The following TICAM1 variants were observed in gnomAD, a reference collection of about 807,000 sequenced individuals.
The protein encoded by TICAM1 is TIR domain containing adaptor molecule 1.
For synonymous variants in TICAM1, 439 were observed against 415.4 expected, an observed-to-expected ratio of 1.06 and a Z score of -0.69; for missense variants, 895 against 938.2, an observed-to-expected ratio of 0.95 and a Z score of 0.60.
Position 4,825,281 on chromosome 19 carries a change from AAAC to A in TICAM1, c.-140+6330_-140+6332del, listed in dbSNP as rs1217000942. On this transcript the variant is annotated intron_variant, in intron 1 of 1. Transcript: ENST00000248244. ...GGCGACAGAGCGAGACTCTGTCTTA[AAAC>A]AACAACAACAAAAAACTACCTATCA... Among the ~76,000 whole-genome samples the A allele has an allele frequency of 5.9e-5, 9 of 152,138 alleles. No homozygotes were observed. In the East Asian group the frequency reaches 9.7e-4, roughly 16 times the overall value.
intron 1 of TICAM1, among the ~76,000 whole-genome samples, chr19:4,828,267 C>T (rs965673071): frequency 2.0e-5 from 3 of 151,698 alleles, no homozygotes; most frequent in Non-Finnish European, 4.4e-5. Context: ...CAGGATCTTG[C>T]TCTGTTACCC....
chr19:4,816,085 T>C lies in TICAM1; in HGVS notation c.*154A>G. ...GGGCATCATCGCGCCCGTTTTGTCCTAAATGAAGGGCTCCCGGACAATGTC... is the reference window on the plus strand; with the variant it reads ...GGGCATCATCGCGCCCGTTTTGTCCCAAATGAAGGGCTCCCGGACAATGTC... On this transcript the variant is annotated 3_prime_UTR_variant, in exon 2 of 2. Transcript: ENST00000248244. The surrounding 1 kb of genome is among the most constrained non-coding windows in gnomAD (Gnocchi z 4.3). 1 of 1,219,694 alleles carries C rather than the reference T, an allele frequency of 8.2e-7. No homozygotes were observed. The highest frequency in any genetic ancestry group is 1.0e-6 in the Non-Finnish European group (1 of 962,554). 75.6% of individuals were successfully genotyped at this position (1,219,694 alleles called of 1,614,324 possible).
chr19:4,816,926 G>C lies in TICAM1; in HGVS notation c.1452C>G (p.Asp484Glu). 1 of 1,613,900 alleles carries C rather than the reference G, an allele frequency of 6.2e-7. No individual in the cohort carries two copies. Among genetic ancestry groups the C allele is most frequent in the Non-Finnish European group, 8.5e-7 (1 of 1,180,036 alleles). Reference protein sequence around the residue: ...MSNLTRQGSPDCVIPFLPLES... With the variant: ...MSNLTRQGSPECVIPFLPLES... Reference sequence around the variant, plus strand: ...CCAGGGGCAGGAAGGGGATGACACAGTCTGGCGACCCCTGTCGCGTGAGGT... The same window carrying C: ...CCAGGGGCAGGAAGGGGATGACACACTCTGGCGACCCCTGTCGCGTGAGGT... The change falls in exon 2 of 2, where the codon GAC (aspartate) becomes GAG (glutamate). Residue 484 changes from aspartate to glutamate, a missense_variant. Physicochemically the swap from Asp to Glu is conservative, Grantham distance 45. Transcript: ENST00000248244. The surrounding 1 kb of genome is among the most constrained non-coding windows in gnomAD (Gnocchi z 4.3).
rs991714086 is a variant in TICAM1 at position 4,815,934 on chromosome 19, C to A, written c.*305G>T. ...CCAGAAGACAATGGCGCTGCGGAAG[C>A]ATTCAATAAATATTTATTATAATTA... On this transcript the variant is annotated 3_prime_UTR_variant, in exon 2 of 2. Coordinates refer to ENST00000248244, the MANE Select transcript of TICAM1 (RefSeq NM_182919.4). 2.7e-4 allele frequency: 71 copies of A among 259,426 alleles called. No homozygotes were observed. The highest frequency in any genetic ancestry group is 6.0e-4 in the Admixed American group (11 of 18,314). The allele number at this position is 259,426 out of a possible 1,614,324, so 16.1% of individuals were successfully genotyped here.
Position 4,823,525 on chromosome 19 carries a change from C to T in TICAM1, c.-139-5009G>A, listed in dbSNP as rs185141027. 1.5e-3 allele frequency among the ~76,000 whole-genome samples: 228 copies of T among 149,118 alleles called. 2 individuals are homozygous for T. The highest frequency in any genetic ancestry group is 5.2e-3 in the African/African-American group (209 of 40,340). ...TGGCATGCGCCTGAAATCCCAGCTA[C>T]TCAGGAGGCTGAGGTGGGAGGATTG... On this transcript the variant is annotated intron_variant, in intron 1 of 1. Coordinates refer to ENST00000248244, the MANE Select transcript of TICAM1 (RefSeq NM_182919.4).
chr19:4,827,980 C>T (rs1414282023), intron 1 of TICAM1, among the ~76,000 whole-genome samples: 19 of 152,098 alleles, frequency 1.2e-4, no homozygotes, highest in Non-Finnish European at 2.5e-4. Context: ...GGCACGTACC[C>T]TCCAATTTTT....
chr19:4,827,893 A>G (rs956508956), intron 1 of TICAM1, among the ~76,000 whole-genome samples: 6 of 152,090 alleles, frequency 3.9e-5, no homozygotes, highest in African/African-American at 1.4e-4. Flanking sequence ...CCACGAATCA[A>G]CTGCTCTTCC....
chr19:4,817,016 T>C lies in TICAM1; in HGVS notation c.1362A>G (p.Leu454=), dbSNP rs966777780. 17 of 1,613,822 alleles carry C rather than the reference T, an allele frequency of 1.1e-5. No homozygotes were observed. Among genetic ancestry groups the C allele is most frequent in the Non-Finnish European group, 1.4e-5 (16 of 1,179,984 alleles). ...GACAGTCGAAGTTGGAGGTGAGAAG[T>C]AGGATGATGAAAGCTGAGTGGTCTA... is the stretch of plus-strand genomic sequence containing the variant. ...DAIDHSAFII[L]LLTSNFDCRL... Residue 454 remains leucine, a synonymous_variant, in exon 2 of 2, where the codon CTA becomes CTG. Transcript: ENST00000248244. This position sits in a 1 kb window ranked among gnomAD's most constrained non-coding sequence, Gnocchi z 4.7.
chr19:4,826,452 G>A (rs896094531), intron 1 of TICAM1, among the ~76,000 whole-genome samples: 8 of 152,028 alleles, frequency 5.3e-5, no homozygotes, highest in African/African-American at 1.9e-4. Flanking sequence ...AGCCTTCCGG[G>A]TAGCTGGGAC....
chr19:4,828,844 A>G (rs1031724581), intron 1 of TICAM1, among the ~76,000 whole-genome samples: 7 of 151,994 alleles, frequency 4.6e-5, no homozygotes, highest in African/African-American at 1.7e-4. Context: ...CTGGGACTAC[A>G]GGTGCATGCC....
chr19:4,830,398 T>C (rs2093612156), intron 1 of TICAM1, among the ~76,000 whole-genome samples: 1 of 152,066 alleles, frequency 6.6e-6, no homozygotes. Context: ...TTGAATTTTT[T>C]TGTAGAGGTG....
rs1289783859 is a variant in TICAM1 at position 4,817,514 on chromosome 19, A to T, written c.864T>A (p.Pro288=). Residue 288 remains proline, a synonymous_variant, in exon 2 of 2, where the codon CCT becomes CCA. Coordinates refer to ENST00000248244, the MANE Select transcript of TICAM1 (RefSeq NM_182919.4). This position sits in a 1 kb window ranked among gnomAD's most constrained non-coding sequence, Gnocchi z 4.7. ...VAPDATSTGL[P]DTPAAPETST... is the part of the protein sequence containing the mutation. ...TGGTTTCTGGAGCTGCGGGGGTATC[A>T]GGGAGGCCAGTGGAGGTTGCATCTG... 1 of 1,613,844 alleles carries T rather than the reference A, an allele frequency of 6.2e-7. No homozygotes were observed. The highest frequency in any genetic ancestry group is 1.7e-5 in the Admixed American group (1 of 59,996).
At chr19:4,824,544 G>A (rs1007021130) in intron 1 of TICAM1, among the ~76,000 whole-genome samples, 7 of 149,970 alleles carry the variant, frequency 4.7e-5, no homozygotes, top group African/African-American at 9.8e-5. Flanking sequence ...CATATTGGTC[G>A]GGCTGGTCTG....
In TICAM1 at chr19:4,817,540, G is replaced by T. The variant is rs1244190978; in HGVS notation, c.838C>A (p.Pro280Thr). 1 of 1,613,470 alleles carries T rather than the reference G, an allele frequency of 6.2e-7. No homozygotes were observed. The highest frequency in any genetic ancestry group is 1.7e-5 in the Admixed American group (1 of 59,974). The change falls in exon 2 of 2, where the codon CCA (proline) becomes ACA (threonine). Residue 280 changes from proline (P) to threonine (T), a missense_variant. Transcript: ENST00000248244. This position sits in a 1 kb window ranked among gnomAD's most constrained non-coding sequence, Gnocchi z 4.7. ...GGGAGGCCAGTGGAGGTTGCATCTG[G>T]GGCCACTTCGGGAAGCCCAGGAGGT... ...SPPPGLPEVA[P>T]DATSTGLPDT...
chr19:4,818,518 T>A lies in TICAM1; in HGVS notation c.-139-2A>T. ...TCTGCAGGAGCTGCCCAAGCAGATC[T>A]GTAGGAAACAGGAGAAGCAAACACA... On this transcript the variant is annotated splice_acceptor_variant, in intron 1 of 1. Coordinates refer to ENST00000248244, the MANE Select transcript of TICAM1 (RefSeq NM_182919.4). LOFTEE classifies it low-confidence loss of function (5UTR_SPLICE). This position sits in a 1 kb window ranked among gnomAD's most constrained non-coding sequence, Gnocchi z 4.0. 7.0e-7 allele frequency: 1 copy of A among 1,419,484 alleles called. No homozygotes were observed. Among genetic ancestry groups the A allele is most frequent in the Non-Finnish European group, 9.2e-7 (1 of 1,082,126 alleles). 87.9% of individuals were successfully genotyped at this position (1,419,484 alleles called of 1,614,324 possible). A position where few individuals can be genotyped will look rare whatever the true frequency, so the allele number is the denominator to read the frequency against.
chr19:4,819,043 G>A (rs746760371), intron 1 of TICAM1, among the ~76,000 whole-genome samples: 1 of 152,116 alleles, frequency 6.6e-6, no homozygotes, highest in Non-Finnish European at 1.5e-5. Flanking sequence ...CACAGGAGGT[G>A]GTGGCTGCAG....
chr19:4,824,615 G>A (rs1250668538), intron 1 of TICAM1, among the ~76,000 whole-genome samples: 2 of 149,816 alleles, frequency 1.3e-5, no homozygotes, highest in African/African-American at 2.4e-5. Flanking sequence ...GATTACAGGC[G>A]TGAGCCACCG....
At position 4,818,840 on chromosome 19, in the gene TICAM1, G is replaced by A. The variant is rs1392247175; in HGVS notation, c.-139-324C>T. ...TAAAAATTAGCTGGGCTGGGTGAGG[G>A]GGCTTAAGCCTGTAATCCCAGCAGT... On this transcript the variant is annotated intron_variant, in intron 1 of 1. Transcript: ENST00000248244. This position sits in a 1 kb window ranked among gnomAD's most constrained non-coding sequence, Gnocchi z 4.0. Among the ~76,000 whole-genome samples the A allele has an allele frequency of 1.3e-5, 2 of 152,020 alleles. No individual in the cohort carries two copies. Among genetic ancestry groups the A allele is most frequent in the Non-Finnish European group, 2.9e-5 (2 of 68,006 alleles).
chr19:4,817,120 C>G lies in TICAM1; in HGVS notation c.1258G>C (p.Gly420Arg). 6.2e-7 allele frequency: 1 copy of G among 1,614,172 alleles called. No homozygotes were observed. Among genetic ancestry groups the G allele is most frequent in the Non-Finnish European group, 8.5e-7 (1 of 1,180,022 alleles). ...CAGAAGGTGGCCCCGTCGGGCACGC[C>G]AAGGGCCTCCAGCTTCTCCCGAACC... ...LRVREKLEALGVPDGATFCED... is the reference protein window; with the variant it reads ...LRVREKLEALRVPDGATFCED... Residue 420 changes from glycine (G) to arginine (R), a missense_variant, in exon 2 of 2, where the codon GGC becomes CGC. Transcript: ENST00000248244. The surrounding 1 kb of genome is among the most constrained non-coding windows in gnomAD (Gnocchi z 4.7).
Sources: allele counts gnomAD v4.1 joint callset (sites outside exome capture counted in the v4.1 genomes callset), GRCh38; gene constraint gnomAD v4.1.1; non-coding constraint Gnocchi (gnomAD v3.1); transcripts MANE v1.5; gene names NCBI Gene and HGNC (gene_info 2026-07-23, HGNC 2026-07-21).